ZNF385D: variants seen among roughly 807,000 people sequenced by gnomAD.
The protein encoded by ZNF385D is zinc finger protein 659.
Under a neutral mutation model 35.8 loss-of-function variants are expected in ZNF385D, and 15 were observed. The observed-to-expected ratio is 0.42, with a 90% CI of 0.28 to 0.64. ZNF385D has a LOEUF of 0.64. Among genes scored for constraint, ZNF385D ranks in the 30% least tolerant of loss-of-function variants. ZNF385D has a pLI of 0.23. For missense variants in ZNF385D, 474 were observed against 494.6 expected, an observed-to-expected ratio of 0.96 and a Z score of 0.39; for synonymous variants, 212 against 186.8, an observed-to-expected ratio of 1.13 and a Z score of -1.10.
intron 2 of ZNF385D, among the ~76,000 whole-genome samples, chr3:22,347,280 T>C (rs183924151): frequency 6.6e-6 from 1 of 152,310 alleles, no homozygotes; most frequent in Admixed American, 6.5e-5. Flanking sequence ...AAATTCAATT[T>C]ATAAGAAAAT....
intron 2 of ZNF385D, among the ~76,000 whole-genome samples, chr3:22,176,605 C>G (rs1225140184): frequency 6.6e-6 from 1 of 152,076 alleles, no homozygotes; most frequent in Admixed American, 6.5e-5. Context: ...GCAGACTCAC[C>G]TACAAAAATT....
At chr3:21,839,824 T>G (rs1168035108) in intron 3 of ZNF385D, among the ~76,000 whole-genome samples, 1 of 152,016 alleles carries the variant, frequency 6.6e-6, no homozygotes, top group African/African-American at 2.4e-5. Context: ...TACTCCCACA[T>G]GTATTACTGG....
At chr3:22,244,823 T>G (rs1699687069) in intron 2 of ZNF385D, among the ~76,000 whole-genome samples, 1 of 141,780 alleles carries the variant, frequency 7.1e-6, no homozygotes, top group Non-Finnish European at 1.5e-5. Flanking sequence ...TTTTCCTTGA[T>G]TTTTTTTTTC....
intron 3 of ZNF385D, among the ~76,000 whole-genome samples, chr3:21,835,533 A>AG (rs1341120424): frequency 1.3e-5 from 2 of 151,770 alleles, no homozygotes; most frequent in Non-Finnish European, 2.9e-5. Context: ...AAAAAAAAAA[A>AG]CTAAACCAAA....
chr3:22,064,943 G>A (rs1699858194), intron 3 of ZNF385D, among the ~76,000 whole-genome samples: 1 of 152,174 alleles, frequency 6.6e-6, no homozygotes, highest in South Asian at 2.1e-4. Flanking sequence ...TGTATCAGTA[G>A]CATGGTTGAC....
chr3:21,721,212 G>C (rs2068528129), intron 1 of ZNF385D, among the ~76,000 whole-genome samples: 1 of 152,176 alleles, frequency 6.6e-6, no homozygotes, highest in Non-Finnish European at 1.5e-5. Context: ...GCCAGCGTCA[G>C]TGCTTACTCT....
At chr3:22,294,020 G>T (rs1702439955) in intron 2 of ZNF385D, among the ~76,000 whole-genome samples, 1 of 148,728 alleles carries the variant, frequency 6.7e-6, no homozygotes, top group African/African-American at 2.6e-5. Flanking sequence ...CTAGATTGCA[G>T]CATTTACTGA....
chr3:21,951,705 A>G lies in ZNF385D; in HGVS notation c.325+217112T>C, dbSNP rs536622032. On this transcript the variant is annotated intron_variant, in intron 3 of 5. Transcript: ENST00000494108. ...CTGTTGGTGCACCTACATGGTCTTT[A>G]TTCAGGCCCTACTTTTACTATACAT... Among the ~76,000 whole-genome samples the G allele has an allele frequency of 3.5e-3, 535 of 151,646 alleles. 15 individuals carry two copies. The highest frequency in any genetic ancestry group is 0.012 in the African/African-American group (504 of 41,074).
chr3:22,214,991 C>A (rs1486470038), intron 2 of ZNF385D, among the ~76,000 whole-genome samples: 1 of 151,922 alleles, frequency 6.6e-6, no homozygotes, highest in African/African-American at 2.4e-5. Flanking sequence ...CATCACGGAA[C>A]CTGCCGACAT....
At chr3:21,458,814 T>TGGGGGGGGGG (rs1553586461) in intron 4 of ZNF385D, among the ~76,000 whole-genome samples, 1 of 53,890 alleles carries the variant, frequency 1.9e-5, no homozygotes, top group Admixed American at 1.7e-4. Context: ...TAATGCGGGG[T>TGGGGGGGGGG]GGGGGGGCGG....
At chr3:21,967,286 G>C (rs1250839805) in intron 3 of ZNF385D, among the ~76,000 whole-genome samples, 1 of 152,034 alleles carries the variant, frequency 6.6e-6, no homozygotes, top group Non-Finnish European at 1.5e-5. Context: ...TGATAATTAA[G>C]AAAATTTTTT....
At chr3:22,006,126 C>T (rs1364213529) in intron 3 of ZNF385D, among the ~76,000 whole-genome samples, 2 of 152,068 alleles carry the variant, frequency 1.3e-5, no homozygotes, top group Non-Finnish European at 2.9e-5. Context: ...GCTTAGATCA[C>T]TCTTCAACCT....
At chr3:21,787,620 C>T (rs757433610) in intron 3 of ZNF385D, among the ~76,000 whole-genome samples, 19 of 151,988 alleles carry the variant, frequency 1.3e-4, no homozygotes, top group Non-Finnish European at 2.6e-4. Context: ...AGCTTCCTAC[C>T]CAATCACCCT....
chr3:22,365,070 GGTGGTTGCCAGGGGCTGT>G (rs1696590678), intron 2 of ZNF385D, among the ~76,000 whole-genome samples: 1 of 152,006 alleles, frequency 6.6e-6, no homozygotes, highest in African/African-American at 2.4e-5. Flanking sequence ...AAAATAGCAT[GGTGGTTGCCAGGGGCTGT>G]GGGCAGGGAA....
At chr3:21,542,823 C>G (rs993916149) in intron 3 of ZNF385D, 5 of 152,124 alleles carry the variant, frequency 3.3e-5, no homozygotes, top group African/African-American at 1.2e-4. Context: ...ACTTGTTTCC[C>G]TTTTTTTCTT....
intron 3 of ZNF385D, among the ~76,000 whole-genome samples, chr3:21,518,993 C>T (rs893626124): frequency 6.6e-6 from 1 of 152,004 alleles, no homozygotes; most frequent in East Asian, 1.9e-4. Flanking sequence ...CATTTTTTCC[C>T]GAAGTGAAAA....
chr3:21,563,702 GA>G (rs543953453), intron 3 of ZNF385D, among the ~76,000 whole-genome samples: 23 of 152,148 alleles, frequency 1.5e-4, no homozygotes, highest in Non-Finnish European at 2.9e-4. Flanking sequence ...CTTAGGACGA[GA>G]AAATGGTACC....
intron 3 of ZNF385D, among the ~76,000 whole-genome samples, chr3:21,542,623 C>G (rs1032006714): frequency 1.3e-5 from 2 of 152,080 alleles, no homozygotes; most frequent in Non-Finnish European, 2.9e-5. Flanking sequence ...ACTGGGATTA[C>G]AGGTGTGTGC....
chr3:21,960,416 T>A (rs1371665852), intron 3 of ZNF385D, among the ~76,000 whole-genome samples: 1 of 151,588 alleles, frequency 6.6e-6, no homozygotes, highest in African/African-American at 2.4e-5. Context: ...GAATGGCTAT[T>A]ACCAAAAAGA....
Sources: gnomAD v4.1 joint callset for allele counts (sites outside exome capture counted in the v4.1 genomes callset) on GRCh38, gnomAD v4.1.1 for gene constraint, MANE v1.5 for transcripts, NCBI Gene and HGNC (gene_info 2026-07-23, HGNC 2026-07-21) for gene names.